Variants in KHDRBS1 observed in about 807,000 individuals in gnomAD.
KHDRBS1 encodes KH domain-containing, RNA-binding, signal transduction-associated protein 1.
A neutral mutation model predicts 48.4 loss-of-function variants in KHDRBS1; 7 were observed. The ratio of observed to expected loss-of-function variants is 0.14; its 90% CI spans 0.08 to 0.27. The LOEUF (loss-of-function observed/expected upper bound fraction) is 0.27. KHDRBS1 is among the 10% of genes least tolerant of loss of function. The pLI is 1.00. For synonymous variants in KHDRBS1, 241 were observed against 235.8 expected (o/e 1.02, Z -0.20); for missense variants, 458 against 601.2 (o/e 0.76, Z 2.49).
chr1:32,033,068 A>G, intron 3 of KHDRBS1, 120 bp from the exon 4 acceptor site: 2 of 703,888 alleles, frequency 2.8e-6, no homozygotes, highest in Non-Finnish European at 4.9e-6. Context: ...GCTCATACCA[A>G]TTAACTTTAC....
chr1:32,045,705 T>C (rs954075753), downstream of KHDRBS1, among the ~76,000 whole-genome samples: 1 of 152,140 alleles, frequency 6.6e-6, no homozygotes, highest in African/African-American at 2.4e-5. Flanking sequence ...AAAAAGACTT[T>C]ATTAGAAAGG....
chr1:32,056,949 T>G (rs997949848), intron 10 of KHDRBS1, among the ~76,000 whole-genome samples: 7 of 151,362 alleles, frequency 4.6e-5, no homozygotes, highest in African/African-American at 1.7e-4. Context: ...ACTAAACAGA[T>G]AATCTCATAA....
chr1:32,037,159 A>G, intron 5 of KHDRBS1, 116 bp downstream of exon 5: 1 of 1,159,624 alleles, frequency 8.6e-7, no homozygotes, highest in Non-Finnish European at 1.2e-6. Context: ...TATGTTGCAT[A>G]AAGAACAGAA....
rs914365525 is a variant in KHDRBS1, at chr1:32,038,190, G to A, written c.1107+154G>A. The A allele has an allele frequency of 2.4e-6, 3 of 1,255,672 alleles. No homozygotes were observed. The African/African-American group carries it at 4.6e-5, about 19-fold the overall frequency. 77.8% of individuals were successfully genotyped at this position (1,255,672 alleles called of 1,614,324 possible). ...TCTTGCAGTGAATGTTGAACTATTA[G>A]AAGATTTTTCCATTTTAGGCAGGGT... On this transcript the variant is annotated intron_variant, in intron 6 of 8. Coordinates refer to ENST00000327300, the MANE Select transcript of KHDRBS1 (RefSeq NM_006559.3).
At chr1:32,028,500 C>CTTTTTTT (rs1235962364) in intron 1 of KHDRBS1, among the ~76,000 whole-genome samples, 1 of 123,378 alleles carries the variant, frequency 8.1e-6, no homozygotes, top group Non-Finnish European at 1.7e-5. Context: ...ACTATATATA[C>CTTTTTTT]TTTTTTTTTT....
At position 32,055,958 on chromosome 1, in the gene KHDRBS1, A is replaced by G. The variant is rs374406517; in HGVS notation, n.1302-4205A>G. Among the ~76,000 whole-genome samples the G allele has an allele frequency of 4.6e-5, 7 of 152,192 alleles. No homozygotes were observed. The South Asian group carries it at 6.2e-4, about 14-fold the overall frequency. On this transcript the variant is annotated intron_variant and non_coding_transcript_variant, in intron 10 of 10. Transcript: ENST00000484270. Reference sequence around the variant, plus strand: ...TCTCATCTAGTGTTCTGCAAACTGTAGCACTCTCTGTTTTTTTGTTTGTTT... The same window carrying G: ...TCTCATCTAGTGTTCTGCAAACTGTGGCACTCTCTGTTTTTTTGTTTGTTT...
downstream of KHDRBS1, among the ~76,000 whole-genome samples, chr1:32,047,804 A>C (rs1006444441): frequency 2.0e-5 from 3 of 152,168 alleles, no homozygotes; most frequent in African/African-American, 7.2e-5. Context: ...TTAATTCCAG[A>C]ATATTTCCAT....
At chr1:32,038,225 C>T (rs554450616) in intron 6 of KHDRBS1, 189 bp downstream of exon 6, 13 of 823,312 alleles carry the variant, frequency 1.6e-5, no homozygotes, top group Middle Eastern at 3.0e-4. Context: ...TTTTACTATA[C>T]GCCTGTAGAT....
intron 8 of KHDRBS1, among the ~76,000 whole-genome samples, chr1:32,040,966 CTG>C (rs1381321196): frequency 1.3e-5 from 2 of 152,160 alleles, no homozygotes; most frequent in African/African-American, 2.4e-5. Context: ...ATCACTAACA[CTG>C]TGTGTGATTG....
Position 32,038,594 on chromosome 1 carries a change from G to A in KHDRBS1, c.1150G>A (p.Glu384Lys), listed in dbSNP as rs777529270. Residue 384 changes from glutamate to lysine, a missense_variant, in exon 7 of 9, where the codon GAA (glutamate) becomes AAA (lysine). Glu to Lys is a moderately conservative substitution (Grantham distance 56). Transcript: ENST00000327300. ...TYAEQSYEGYEGYYSQSQGDS... is the reference protein window; with the variant it reads ...TYAEQSYEGYKGYYSQSQGDS... The stretch of plus-strand genomic sequence containing the variant: ...CGCAGAACAAAGTTACGAAGGCTAC[G>A]AAGGCTATTACAGCCAGAGTCAAGG... 3.7e-6 allele frequency: 6 copies of A among 1,613,918 alleles called. No individual in the cohort carries two copies. The highest frequency in any genetic ancestry group is 1.7e-5 in the Admixed American group (1 of 60,008).
intron 1 of KHDRBS1, among the ~76,000 whole-genome samples, chr1:32,016,394 C>T (rs1452637491): frequency 6.6e-6 from 1 of 152,018 alleles, no homozygotes; most frequent in Non-Finnish European, 1.5e-5. Context: ...GCATCGTAAC[C>T]AGGATTTTTG....
intron 1 of KHDRBS1, among the ~76,000 whole-genome samples, chr1:32,017,068 G>A (rs1638755965): frequency 6.6e-6 from 1 of 152,052 alleles, no homozygotes; most frequent in South Asian, 2.1e-4. Context: ...GACCAGCCTG[G>A]CCAACATGGT....
intron 1 of KHDRBS1, among the ~76,000 whole-genome samples, chr1:32,026,537 A>G (rs1054613000): frequency 5.9e-5 from 9 of 152,230 alleles, no homozygotes; most frequent in African/African-American, 1.9e-4. Flanking sequence ...AGAAGAATCC[A>G]TGTTATAGAA....
chr1:32,041,777 A>G (rs563361960), intron 8 of KHDRBS1, among the ~76,000 whole-genome samples: 1 of 152,068 alleles, frequency 6.6e-6, no homozygotes, highest in Non-Finnish European at 1.5e-5. Context: ...TTTAGTAGAG[A>G]TGGGGTTTCA....
In KHDRBS1 at chr1:32,042,878, TTTG is replaced by T. The variant is rs1196879668; in HGVS notation, c.*260_*262del. The stretch of plus-strand genomic sequence containing the variant: ...TTTTAAGTGTGTAGATGCTTTTTTC[TTTG>T]TTGTTTAAATATAAACAGAAGTGTA... On this transcript the variant is annotated 3_prime_UTR_variant, in exon 9 of 9. Coordinates refer to ENST00000327300, the MANE Select transcript of KHDRBS1 (RefSeq NM_006559.3). 3 of 272,832 alleles carry T rather than the reference TTTG, an allele frequency of 1.1e-5. No homozygotes were observed. Among genetic ancestry groups the T allele is most frequent in the African/African-American group, 6.6e-5 (3 of 45,608 alleles). The allele number at this position is 272,832 out of a possible 1,614,324, so 16.9% of individuals were successfully genotyped here. A position where few individuals can be genotyped will look rare whatever the true frequency, so the allele number is the denominator to read the frequency against.
At chr1:32,019,414 G>A (rs1638811187) in intron 1 of KHDRBS1, among the ~76,000 whole-genome samples, 1 of 152,044 alleles carries the variant, frequency 6.6e-6, no homozygotes, top group Non-Finnish European at 1.5e-5. Context: ...GTTGGGCGTG[G>A]TGGCAGGTGC....
downstream of KHDRBS1, among the ~76,000 whole-genome samples, chr1:32,044,114 C>A (rs1195655933): frequency 6.6e-6 from 1 of 152,112 alleles, no homozygotes; most frequent in Non-Finnish European, 1.5e-5. Context: ...GCTGTTGTAT[C>A]CAATCCTATC....
At chr1:32,037,386 G>GCTCAA (rs764948522) in intron 5 of KHDRBS1, among the ~76,000 whole-genome samples, 35 of 151,798 alleles carry the variant, frequency 2.3e-4, no homozygotes, top group Admixed American at 1.8e-3. Context: ...GGAAGTTGCA[G>GCTCAA]TGAGCCGAGA....
At chr1:32,034,374 C>A (rs111677755) in intron 4 of KHDRBS1, among the ~76,000 whole-genome samples, 5,705 of 151,972 alleles carry the variant, frequency 0.038, 345 homozygotes, top group African/African-American at 0.13. Flanking sequence ...ACCAGCCTGA[C>A]CAACATGGAG....
Sources: allele counts gnomAD v4.1 joint callset (sites outside exome capture counted in the v4.1 genomes callset), GRCh38; gene constraint gnomAD v4.1.1; transcripts MANE v1.5; gene names NCBI Gene and HGNC (gene_info 2026-07-23, HGNC 2026-07-21).